Variants in EPS15 observed in about 807,000 individuals in gnomAD.
The protein encoded by EPS15 is epidermal growth factor receptor pathway substrate 15, also known as epidermal growth factor receptor substrate 15.
A neutral mutation model predicts 113.8 loss-of-function variants in EPS15; 72 were observed. That is an observed-to-expected ratio of 0.63 (90% confidence interval 0.52 to 0.77). EPS15 has a LOEUF of 0.77. Among genes scored for constraint, EPS15 ranks in the 30% least tolerant of loss-of-function variants. The pLI is 0.00. For synonymous variants in EPS15, 344 were observed against 363.4 expected, an observed-to-expected ratio of 0.95 and a Z score of 0.61; for missense variants, 1,048 against 1,045.8, an observed-to-expected ratio of 1.00 and a Z score of -0.03.
chr1:51,411,385 T>C (rs1557443051), intron 13 of EPS15, among the ~76,000 whole-genome samples: 2 of 152,120 alleles, frequency 1.3e-5, no homozygotes, highest in Non-Finnish European at 2.9e-5. Flanking sequence ...AGGCAAAAAG[T>C]GACCCTTGTG....
chr1:51,424,862 C>T (rs558172057), intron 12 of EPS15, among the ~76,000 whole-genome samples: 4 of 151,988 alleles, frequency 2.6e-5, no homozygotes, highest in South Asian at 2.1e-4. Context: ...GCTATCAGGC[C>T]ACTGCACTCC....
At chr1:51,460,973 G>A in intron 8 of EPS15, 118 bp downstream of exon 8, 1 of 618,942 alleles carries the variant, frequency 1.6e-6, no homozygotes, top group East Asian at 3.2e-5. Context: ...AAAAAAAAAA[G>A]TTCACCCAAT....
chr1:51,438,094 T>C (rs574760823), intron 12 of EPS15, among the ~76,000 whole-genome samples: 3 of 152,322 alleles, frequency 2.0e-5, no homozygotes, highest in African/African-American at 4.8e-5. Flanking sequence ...AATTTTAGCA[T>C]GGGGATGAGT....
At chr1:51,400,712 C>CAAAAA (rs375748381) in intron 19 of EPS15, among the ~76,000 whole-genome samples, 5 of 60,188 alleles carry the variant, frequency 8.3e-5, no homozygotes, top group South Asian at 6.3e-4. Context: ...CAAAAAACAC[C>CAAAAA]AAAAAAAAAA....
In EPS15 at chr1:51,364,038, AAAAG is replaced by A; in HGVS notation, c.2197-14_2197-11del. The stretch of plus-strand genomic sequence containing the variant: ...GATCTTCATTGTTGACCTTTGTTTA[AAAAG>A]AAATGGTTATACATGGCTATACCAA... On this transcript the variant is annotated splice_polypyrimidine_tract_variant and intron_variant, in intron 22 of 24. Transcript: ENST00000371733. The A allele has an allele frequency of 1.2e-6, 2 of 1,605,096 alleles. No individual in the cohort carries two copies. Among genetic ancestry groups the A allele is most frequent in the Non-Finnish European group, 1.7e-6 (2 of 1,175,086 alleles).
intron 21 of EPS15, among the ~76,000 whole-genome samples, chr1:51,381,020 C>A (rs1646928379): frequency 6.6e-6 from 1 of 152,140 alleles, no homozygotes; most frequent in Non-Finnish European, 1.5e-5. Context: ...ACCAAACATG[C>A]TTCTTCAATA....
At chr1:51,453,426 A>G (rs1044877582) in intron 8 of EPS15, among the ~76,000 whole-genome samples, 2 of 152,208 alleles carry the variant, frequency 1.3e-5, no homozygotes, top group African/African-American at 4.8e-5. Context: ...TACTTTTAAT[A>G]CTGCTGGGTT....
In EPS15 at chr1:51,355,713, T is replaced by TAA. The variant is rs35602175; in HGVS notation, c.*985_*986dup. On this transcript the variant is annotated 3_prime_UTR_variant, in exon 25 of 25. Transcript: ENST00000371733. ...ACATTTCAAGTAAATGAGCCTTCAT[T>TAA]AAAAAAAAAAAAACAAATATATATG... 64 of 168,474 alleles carry TAA rather than the reference T, an allele frequency of 3.8e-4. No individual in the cohort carries two copies. The highest frequency in any genetic ancestry group is 2.3e-3 in the Middle Eastern group (1 of 432). 10.4% of individuals were successfully genotyped at this position (168,474 alleles called of 1,614,324 possible).
chr1:51,518,141 A>G (rs1418935197), intron 1 of EPS15, among the ~76,000 whole-genome samples: 2 of 152,172 alleles, frequency 1.3e-5, no homozygotes, highest in African/African-American at 4.8e-5. Context: ...AGTTTGGGTC[A>G]CAGGAGCAGG....
At chr1:51,504,657 G>A (rs527920978) in intron 1 of EPS15, among the ~76,000 whole-genome samples, 223 of 152,244 alleles carry the variant, frequency 1.5e-3, no homozygotes, top group African/African-American at 3.2e-3. Context: ...CACATAAAAA[G>A]ATGCTTGACA....
At chr1:51,504,521 AG>A (rs1281351318) in intron 1 of EPS15, among the ~76,000 whole-genome samples, 1 of 152,148 alleles carries the variant, frequency 6.6e-6, no homozygotes, top group African/African-American at 2.4e-5. Context: ...GTATCTAATA[AG>A]GACTTCTATC....
In EPS15 at chr1:51,405,943, T is replaced by C; in HGVS notation, c.1639A>G (p.Ser547Gly). 1 of 1,614,166 alleles carries C rather than the reference T, an allele frequency of 6.2e-7. No homozygotes were observed. The highest frequency in any genetic ancestry group is 1.3e-5 in the African/African-American group (1 of 75,060). The change falls in exon 16 of 25, where the codon AGC (serine) becomes GGC (glycine). Residue 547 changes from serine (S) to glycine (G), a missense_variant. Transcript: ENST00000371733. ...TGTATGGGCTCAGACTCTAGGTTGC[T>C]CTGGCCTTCAACATGTTCATTAAGG... The part of the protein sequence containing the change: ...ANLNEHVEGQ[S>G]NLESEPIHQE...
At chr1:51,368,598 C>CTT (rs1228266658) in intron 21 of EPS15, among the ~76,000 whole-genome samples, 20 of 139,670 alleles carry the variant, frequency 1.4e-4, no homozygotes, top group African/African-American at 3.7e-4. Context: ...TTTTTTGTTT[C>CTT]TTTTTTTTTT....
chr1:51,504,510 C>T lies in EPS15; in HGVS notation c.33+14689G>A, dbSNP rs551903748. Among the ~76,000 whole-genome samples the T allele has an allele frequency of 1.9e-3, 288 of 152,202 alleles. 2 individuals carry two copies. Among genetic ancestry groups the T allele is most frequent in the Non-Finnish European group, 3.1e-3 (208 of 68,010 alleles). ...AATGGGAGAAAATATATGCAAACCA[C>T]GTATCTAATAAGGACTTCTATCTAG... On this transcript the variant is annotated intron_variant, in intron 1 of 24. Coordinates refer to ENST00000371733, the MANE Select transcript of EPS15 (RefSeq NM_001981.3).
intron 21 of EPS15, among the ~76,000 whole-genome samples, chr1:51,380,672 A>C (rs1441823971): frequency 6.6e-6 from 1 of 152,204 alleles, no homozygotes; most frequent in Non-Finnish European, 1.5e-5. Context: ...AAACAGCAAA[A>C]TGACAATAAT....
intron 12 of EPS15, among the ~76,000 whole-genome samples, chr1:51,433,763 C>G (rs1651925727): frequency 6.6e-6 from 1 of 152,218 alleles, no homozygotes; most frequent in Admixed American, 6.5e-5. Context: ...TTTACTGGCC[C>G]AAGACCAGGA....
At chr1:51,390,819 G>A (rs908970814) in intron 21 of EPS15, among the ~76,000 whole-genome samples, 2 of 151,920 alleles carry the variant, frequency 1.3e-5, no homozygotes, top group African/African-American at 4.8e-5. Context: ...GAAACAACAG[G>A]TGCTGGAGAG....
At chr1:51,459,836 A>G (rs1570353596) in intron 8 of EPS15, among the ~76,000 whole-genome samples, 2 of 152,250 alleles carry the variant, frequency 1.3e-5, no homozygotes, top group South Asian at 2.1e-4. Flanking sequence ...ACCAATATCT[A>G]TGGAATCCCA....
At chr1:51,516,469 C>G (rs1188697665) in intron 1 of EPS15, among the ~76,000 whole-genome samples, 1 of 150,542 alleles carries the variant, frequency 6.6e-6, no homozygotes, top group Non-Finnish European at 1.5e-5. Flanking sequence ...TAGCTGTGGC[C>G]AAAGCAGAAC....
Sources: gnomAD v4.1 joint callset for allele counts (sites outside exome capture counted in the v4.1 genomes callset) on GRCh38, gnomAD v4.1.1 for gene constraint, MANE v1.5 for transcripts, NCBI Gene and HGNC (gene_info 2026-07-23, HGNC 2026-07-21) for gene names.